Variants in ABCC5 observed in about 807,000 individuals in gnomAD.
ABCC5 encodes ATP-binding cassette sub-family C member 5.
In ABCC5, 61 loss-of-function variants were observed where a neutral mutation model predicts 160.9. The observed-to-expected ratio is 0.38, with a 90% CI of 0.31 to 0.47. The LOEUF (loss-of-function observed/expected upper bound fraction) is 0.47. Among genes scored for constraint, ABCC5 ranks in the 20% least tolerant of loss-of-function variants. ABCC5 has a pLI of 0.99. For missense variants in ABCC5, 1,308 were observed against 1,813.3 expected, an observed-to-expected ratio of 0.72 and a Z score of 5.06; for synonymous variants, 666 against 700.6, an observed-to-expected ratio of 0.95 and a Z score of 0.78.
At position 184,012,550 on chromosome 3, in the gene ABCC5, C is replaced by T. The variant is rs1270377999; in HGVS notation, c.129+1714G>A. Among the ~76,000 whole-genome samples the T allele has an allele frequency of 2.6e-5, 4 of 152,218 alleles. No individual in the cohort carries two copies. In the East Asian group the frequency reaches 5.8e-4, roughly 22 times the overall value. On this transcript the variant is annotated intron_variant, in intron 2 of 29. Transcript: ENST00000334444. ...AGTCCCAATATGTCACACGCTCTTT[C>T]CATACCTTTGGGTCTGTACTTGTAC...
intron 15 of ABCC5, among the ~76,000 whole-genome samples, chr3:183,962,045 C>T (rs1051386732): frequency 6.6e-6 from 1 of 152,134 alleles, no homozygotes; most frequent in Non-Finnish European, 1.5e-5. Context: ...AGCCACCGCG[C>T]CCAGCTGGAG....
At chr3:183,924,772 C>G (rs1423127665) in intron 29 of ABCC5, among the ~76,000 whole-genome samples, 1 of 152,114 alleles carries the variant, frequency 6.6e-6, no homozygotes, top group African/African-American at 2.4e-5. Flanking sequence ...TCAACTGAGA[C>G]AGAAGAGCTA....
rs180886525 is a variant in ABCC5, at chr3:183,974,607, C to A, written c.1405-2688G>T. On this transcript the variant is annotated intron_variant, in intron 10 of 29. Coordinates refer to ENST00000334444, the MANE Select transcript of ABCC5 (RefSeq NM_005688.4). ...TACAGGCGTGAGCCACCATGCCGGGCCCCCGTTAAATTTAATTCCAGAAAA... is the reference window on the plus strand; with the variant it reads ...TACAGGCGTGAGCCACCATGCCGGGACCCCGTTAAATTTAATTCCAGAAAA... Among the ~76,000 whole-genome samples the A allele has an allele frequency of 1.8e-3, 275 of 152,282 alleles. 3 individuals are homozygous for A. The highest frequency in any genetic ancestry group is 5.9e-3 in the African/African-American group (246 of 41,546).
chr3:183,934,168 T>C (rs555190533), intron 26 of ABCC5, among the ~76,000 whole-genome samples: 1 of 152,306 alleles, frequency 6.6e-6, no homozygotes, highest in Non-Finnish European at 1.5e-5. Context: ...TAGCTGGGCA[T>C]GGTGGCCCAT....
intron 8 of ABCC5, among the ~76,000 whole-genome samples, chr3:183,979,972 T>G (rs889164127): frequency 1.2e-4 from 19 of 152,126 alleles, no homozygotes; most frequent in African/African-American, 4.6e-4. Context: ...GCCTCCTGGG[T>G]TCAAGTGATC....
At chr3:184,010,431 G>T (rs1721631558) in intron 2 of ABCC5, 1 of 152,218 alleles carries the variant, frequency 6.6e-6, no homozygotes, top group Non-Finnish European at 1.5e-5. Context: ...TACAGTGGTG[G>T]CTGACTCCAT....
rs1016493357 is a variant in ABCC5 at position 183,921,183 on chromosome 3, G to A, written c.*117C>T. ...ACACACAAGCCAATCCGGAACTGCT[G>A]TGCGAAAGATAAAATCGAGAAAGGC... is the stretch of plus-strand genomic sequence containing the variant. On this transcript the variant is annotated 3_prime_UTR_variant, in exon 30 of 30. Transcript: ENST00000334444. The surrounding 1 kb of genome is among the most constrained non-coding windows in gnomAD (Gnocchi z 4.1). 4 of 595,552 alleles carry A rather than the reference G, an allele frequency of 6.7e-6. No homozygotes were observed. The highest frequency in any genetic ancestry group is 9.2e-6 in the Non-Finnish European group (3 of 325,906). The allele number at this position is 595,552 out of a possible 1,614,324, so 36.9% of individuals were successfully genotyped here.
chr3:184,009,610 T>C (rs1176941703), intron 2 of ABCC5, among the ~76,000 whole-genome samples: 1 of 152,186 alleles, frequency 6.6e-6, no homozygotes, highest in Non-Finnish European at 1.5e-5. Flanking sequence ...CTGAGAAATT[T>C]TGTTTTTTGA....
At chr3:183,990,952 T>C (rs1341465781) in intron 2 of ABCC5, among the ~76,000 whole-genome samples, 2 of 152,148 alleles carry the variant, frequency 1.3e-5, no homozygotes, top group Non-Finnish European at 2.9e-5. Flanking sequence ...TCCTTTTCTG[T>C]CTTAGCAGTG....
In ABCC5 at chr3:184,014,268, C is replaced by A; in HGVS notation, c.125G>T (p.Arg42Leu). 1.2e-6 allele frequency: 2 copies of A among 1,613,088 alleles called. No individual in the cohort carries two copies. The highest frequency in any genetic ancestry group is 1.7e-6 in the Non-Finnish European group (2 of 1,179,568). The change falls in exon 2 of 30, where the codon CGA (arginine) becomes CTA (leucine). Residue 42 changes from arginine (R) to leucine (L), a missense_variant. By Grantham distance (102) the Arg-to-Leu change is moderately radical. Coordinates refer to ENST00000334444, the MANE Select transcript of ABCC5 (RefSeq NM_005688.4). ...CTCTTAGGAAAGGAAACTGACCGGT[C>A]GAGTTCTCCTGAACTTGGAATCTTC... ...DREDSKFRRT[R>L]PLECQDALET...
chr3:183,958,771 A>AT (rs1451780963), intron 17 of ABCC5, among the ~76,000 whole-genome samples: 1 of 151,604 alleles, frequency 6.6e-6, no homozygotes, highest in Admixed American at 6.6e-5. Context: ...GCTAATTTTT[A>AT]TATTTTTTGG....
chr3:183,921,201 A>G lies in ABCC5; in HGVS notation c.*99T>C. 1.6e-6 allele frequency: 1 copy of G among 637,608 alleles called. No individual in the cohort carries two copies. Among genetic ancestry groups the G allele is most frequent in the South Asian group, 2.2e-5 (1 of 45,822 alleles). The allele number at this position is 637,608 out of a possible 1,614,324, so 39.5% of individuals were successfully genotyped here. A position where few individuals can be genotyped will look rare whatever the true frequency, so the allele number is the denominator to read the frequency against. On this transcript the variant is annotated 3_prime_UTR_variant, in exon 30 of 30. Transcript: ENST00000334444. The surrounding 1 kb of genome is among the most constrained non-coding windows in gnomAD (Gnocchi z 4.1). ...AACTGCTGTGCGAAAGATAAAATCG[A>G]GAAAGGCAAGGTTTCGGTAGGAGGA...
At chr3:183,961,169 T>C (rs1043252036) in intron 16 of ABCC5, among the ~76,000 whole-genome samples, 4 of 152,212 alleles carry the variant, frequency 2.6e-5, no homozygotes, top group African/African-American at 9.6e-5. Context: ...AAGAGCTTCA[T>C]AATGCTTCAA....
rs1317677845 is a variant in ABCC5, at chr3:183,988,057, C to T, written c.444-140G>A. 4.4e-6 allele frequency: 4 copies of T among 908,512 alleles called. No homozygotes were observed. The highest frequency in any genetic ancestry group is 1.7e-5 in the African/African-American group (1 of 60,262). The allele number at this position is 908,512 out of a possible 1,614,324, so 56.3% of individuals were successfully genotyped here. On this transcript the variant is annotated intron_variant, in intron 4 of 29. Coordinates refer to ENST00000334444, the MANE Select transcript of ABCC5 (RefSeq NM_005688.4). The surrounding 1 kb of genome is among the most constrained non-coding windows in gnomAD (Gnocchi z 4.4). Reference sequence around the variant, plus strand: ...CCTTTAAAATTATGTACATAGTCTTCACCTTCTGGGAAAAAATACCCTTCC... The same window carrying T: ...CCTTTAAAATTATGTACATAGTCTTTACCTTCTGGGAAAAAATACCCTTCC...
At chr3:183,967,586 G>A in intron 12 of ABCC5, 109 bp downstream of exon 12, 4 of 927,348 alleles carry the variant, frequency 4.3e-6, no homozygotes, top group Non-Finnish European at 7.0e-6. Context: ...GCAGGCTGAG[G>A]GTTCATTTGT....
intron 2 of ABCC5, among the ~76,000 whole-genome samples, chr3:183,996,912 T>C (rs968755312): frequency 3.9e-5 from 6 of 152,210 alleles, no homozygotes; most frequent in Non-Finnish European, 8.8e-5. Flanking sequence ...CTTGTTGTCA[T>C]ATCTTTACAC....
chr3:183,961,189 T>C (rs1716698967), intron 16 of ABCC5, among the ~76,000 whole-genome samples: 1 of 152,222 alleles, frequency 6.6e-6, no homozygotes, highest in Non-Finnish European at 1.5e-5. Context: ...ATCAGGTGGA[T>C]GGAGCTTAGG....
At chr3:183,961,489 C>A (rs370888001) in intron 16 of ABCC5, 22 bp downstream of exon 16, 7 of 1,612,636 alleles carry the variant, frequency 4.3e-6, no homozygotes, top group South Asian at 3.3e-5. Context: ...AGGGGACACA[C>A]GCAAACACCA....
At chr3:183,970,439 C>T (rs1717634737) in intron 11 of ABCC5, among the ~76,000 whole-genome samples, 3 of 145,204 alleles carry the variant, frequency 2.1e-5, no homozygotes, top group South Asian at 2.2e-4. Flanking sequence ...CCTCACCCAC[C>T]TTTTTTTTTT....
Sources: allele counts gnomAD v4.1 joint callset (sites outside exome capture counted in the v4.1 genomes callset), GRCh38; gene constraint gnomAD v4.1.1; non-coding constraint Gnocchi (gnomAD v3.1); transcripts MANE v1.5; gene names NCBI Gene and HGNC (gene_info 2026-07-23, HGNC 2026-07-21).